Variants in PTPRT observed in about 807,000 individuals in gnomAD.
PTPRT encodes receptor-type tyrosine-protein phosphatase T.
PTPRT carries 56 observed loss-of-function variants against 176.8 expected under a neutral mutation model. The ratio of observed to expected loss-of-function variants is 0.32; its 90% CI spans 0.26 to 0.40. The LOEUF is 0.40. Among genes scored for constraint, PTPRT ranks in the 10% least tolerant of loss-of-function variants. The pLI is 1.00. For missense variants in PTPRT, 1,540 were observed against 1,908.2 expected (o/e 0.81, Z 3.60); for synonymous variants, 783 against 739.0 (o/e 1.06, Z -0.96).
intron 2 of PTPRT, among the ~76,000 whole-genome samples, chr20:42,861,809 C>T (rs2078666315): frequency 1.3e-5 from 2 of 152,066 alleles, no homozygotes; most frequent in Admixed American, 1.3e-4. Flanking sequence ...CTGAGAAGAG[C>T]CTTCGGCAAG....
intron 7 of PTPRT, among the ~76,000 whole-genome samples, chr20:42,592,510 G>A (rs1412778044): frequency 6.6e-6 from 1 of 152,230 alleles, no homozygotes; most frequent in African/African-American, 2.4e-5. Flanking sequence ...CAGGCTGAGA[G>A]ATAAGGAGCT....
intron 1 of PTPRT, among the ~76,000 whole-genome samples, chr20:43,014,236 C>G (rs949950212): frequency 1.3e-5 from 2 of 152,182 alleles, no homozygotes; most frequent in Non-Finnish European, 2.9e-5. Context: ...ATGGCTGGAA[C>G]CCTCCTCTCC....
intron 2 of PTPRT, among the ~76,000 whole-genome samples, chr20:42,880,073 G>T (rs954661313): frequency 6.6e-6 from 1 of 152,174 alleles, no homozygotes; most frequent in South Asian, 2.1e-4. Context: ...ATCTGCTGGT[G>T]CCACACTCCT....
At chr20:42,970,023 A>G (rs537916648) in intron 1 of PTPRT, among the ~76,000 whole-genome samples, 5 of 152,146 alleles carry the variant, frequency 3.3e-5, no homozygotes, top group Non-Finnish European at 5.9e-5. Context: ...CAGCAGATGA[A>G]GGTTTACATC....
intron 29 of PTPRT, among the ~76,000 whole-genome samples, chr20:42,083,448 C>G (rs1055785127): frequency 6.6e-6 from 1 of 152,192 alleles, no homozygotes; most frequent in African/African-American, 2.4e-5. Flanking sequence ...ACTTGGGACA[C>G]TACGCAGCAT....
chr20:42,170,207 A>G (rs1455953754), intron 16 of PTPRT, among the ~76,000 whole-genome samples: 1 of 152,236 alleles, frequency 6.6e-6, no homozygotes, highest in East Asian at 1.9e-4. Context: ...TGGGTCCTCA[A>G]TGACATTCAT....
chr20:42,627,600 G>A (rs1282460701), intron 7 of PTPRT, among the ~76,000 whole-genome samples: 1 of 151,988 alleles, frequency 6.6e-6, no homozygotes, highest in Non-Finnish European at 1.5e-5. Flanking sequence ...CTAATAATTA[G>A]CAAGGTAAGG....
intron 7 of PTPRT, among the ~76,000 whole-genome samples, chr20:42,494,194 T>C (rs6016809): frequency 0.19 from 29,233 of 152,096 alleles, 6,706 homozygotes; most frequent in African/African-American, 0.55. Flanking sequence ...GGAGAAATAA[T>C]GATGAGATCA....
rs562486245 is a variant in PTPRT, at chr20:42,394,734, CTA to C, written c.1561-42451_1561-42450del. Among the ~76,000 whole-genome samples the C allele has an allele frequency of 1.4e-3, 211 of 152,176 alleles. 1 individual carries two copies. The highest frequency in any genetic ancestry group is 4.9e-3 in the African/African-American group (205 of 41,522). On this transcript the variant is annotated intron_variant, in intron 9 of 30. Transcript: ENST00000373187. ...AATACTACTTTCAGAAGAATCAAAA[CTA>C]TGAGCAAAGAGTGACATAAAGGGGA...
rs892385007 is a variant in PTPRT, at chr20:42,448,310, T to C, written c.1470A>G (p.Leu490=). The change falls in exon 9 of 31, where the codon CTA becomes CTG. Residue 490 remains leucine, a synonymous_variant. Transcript: ENST00000373187. ...CAAAGGGCCCCCCTTGGATGGATTCTAGAGGAACAGCTCCTGGAACTACAG... is the reference window on the plus strand; with the variant it reads ...CAAAGGGCCCCCCTTGGATGGATTCCAGAGGAACAGCTCCTGGAACTACAG... ...TEEDVPGAVP[L]ESIQGGPFEE... 1.9e-6 allele frequency: 3 copies of C among 1,612,794 alleles called. No individual in the cohort carries two copies. The highest frequency in any genetic ancestry group is 2.7e-5 in the African/African-American group (2 of 74,870).
chr20:42,778,434 G>A (rs1212757475), intron 4 of PTPRT, among the ~76,000 whole-genome samples: 1 of 152,090 alleles, frequency 6.6e-6, no homozygotes, highest in African/African-American at 2.4e-5. Context: ...TTTCCCTTGG[G>A]AAAAGCCAGC....
At chr20:42,426,947 G>C (rs1450615114) in intron 9 of PTPRT, among the ~76,000 whole-genome samples, 2 of 152,190 alleles carry the variant, frequency 1.3e-5, no homozygotes, top group Non-Finnish European at 2.9e-5. Flanking sequence ...AAAGGTAGGA[G>C]GGCAGAGGTC....
At chr20:42,212,527 A>T (rs138034452) in intron 15 of PTPRT, among the ~76,000 whole-genome samples, 51 of 152,064 alleles carry the variant, frequency 3.4e-4, no homozygotes, top group African/African-American at 1.2e-3. Context: ...AGGACTGCAT[A>T]GCAGTTAATA....
At chr20:43,017,921 A>G (rs2223556) in intron 1 of PTPRT, among the ~76,000 whole-genome samples, 58,093 of 152,092 alleles carry the variant, frequency 0.38, 12,884 homozygotes, top group African/African-American at 0.62. Flanking sequence ...AGATTCCCCT[A>G]GAAAGGGCAA....
intron 2 of PTPRT, among the ~76,000 whole-genome samples, chr20:42,820,089 C>A (rs555545748): frequency 2.4e-4 from 36 of 152,264 alleles, no homozygotes; most frequent in Admixed American, 6.5e-4. Flanking sequence ...CTATAGAATT[C>A]TCTACACCAA....
chr20:43,133,502 T>G (rs527539507), intron 1 of PTPRT, among the ~76,000 whole-genome samples: 4 of 152,172 alleles, frequency 2.6e-5, no homozygotes, highest in South Asian at 2.1e-4. Context: ...TCCCAGCATT[T>G]TGGGAGGCCG....
At chr20:42,741,700 G>C (rs1461759228) in intron 6 of PTPRT, among the ~76,000 whole-genome samples, 2 of 152,234 alleles carry the variant, frequency 1.3e-5, no homozygotes, top group East Asian at 3.9e-4. Context: ...TCATGGACTA[G>C]TAGTCAACCA....
At chr20:42,342,334 G>T (rs1434764241) in intron 11 of PTPRT, among the ~76,000 whole-genome samples, 1 of 152,120 alleles carries the variant, frequency 6.6e-6, no homozygotes, top group Non-Finnish European at 1.5e-5. Flanking sequence ...GTGTGATGAA[G>T]TCCCAGCGTG....
chr20:42,178,132 T>A (rs1990370105), intron 16 of PTPRT, among the ~76,000 whole-genome samples: 2 of 152,044 alleles, frequency 1.3e-5, no homozygotes, highest in South Asian at 4.2e-4. Flanking sequence ...GAGATAAGAT[T>A]TCACTGTGTT....
Sources: gnomAD v4.1 joint callset for allele counts (sites outside exome capture counted in the v4.1 genomes callset) on GRCh38, gnomAD v4.1.1 for gene constraint, MANE v1.5 for transcripts, NCBI Gene and HGNC (gene_info 2026-07-23, HGNC 2026-07-21) for gene names.